The following RYR2 variants were observed in gnomAD, a reference collection of about 807,000 sequenced individuals.
RYR2 encodes cardiac muscle ryanodine receptor-calcium release channel.
RYR2 carries 227 observed loss-of-function variants against 601.1 expected under a neutral mutation model. That is an observed-to-expected ratio of 0.38 (90% CI 0.34 to 0.42). The LOEUF is 0.42. RYR2 is among the 10% of genes least tolerant of loss of function. The pLI is 1.00. For synonymous variants in RYR2, 2,223 were observed against 2,175.1 expected (o/e 1.02, Z -0.61); for missense variants, 4,646 against 6,156.5 (o/e 0.75, Z 8.21).
At chr1:237,803,392 C>A (rs912128663) in intron 98 of RYR2, among the ~76,000 whole-genome samples, 1 of 152,102 alleles carries the variant, frequency 6.6e-6, no homozygotes, top group Middle Eastern at 3.2e-3. Flanking sequence ...CAAGCTCCGC[C>A]TCCTGGGTTC....
At chr1:237,605,268 A>C (rs1676986301) in intron 35 of RYR2, among the ~76,000 whole-genome samples, 2 of 152,216 alleles carry the variant, frequency 1.3e-5, no homozygotes, top group Non-Finnish European at 2.9e-5. Flanking sequence ...CTGGTTCAAC[A>C]TACACAAATT....
chr1:237,219,735 A>G (rs1290492278), intron 1 of RYR2, among the ~76,000 whole-genome samples: 1 of 152,190 alleles, frequency 6.6e-6, no homozygotes, highest in East Asian at 1.9e-4. Context: ...TTCCTAACAT[A>G]GTTGTCTAAT....
At chr1:237,548,704 A>G (rs1470400258) in intron 26 of RYR2, 114 bp downstream of exon 26, 2 of 1,278,932 alleles carry the variant, frequency 1.6e-6, no homozygotes, top group African/African-American at 1.5e-5. Context: ...TAGATCACAT[A>G]TAGTGCACAT....
intron 1 of RYR2, among the ~76,000 whole-genome samples, chr1:237,093,383 C>G (rs1667179606): frequency 6.6e-6 from 1 of 152,256 alleles, no homozygotes; most frequent in South Asian, 2.1e-4. Flanking sequence ...AAATAGAGGG[C>G]AGATGATTTA....
At chr1:237,440,598 G>C (rs1335136666) in intron 12 of RYR2, among the ~76,000 whole-genome samples, 1 of 152,178 alleles carries the variant, frequency 6.6e-6, no homozygotes, top group East Asian at 1.9e-4. Flanking sequence ...TACTTCCTAG[G>C]AGAGGAAGCT....
At chr1:237,462,725 T>C (rs1418369117) in intron 16 of RYR2, among the ~76,000 whole-genome samples, 1 of 152,088 alleles carries the variant, frequency 6.6e-6, no homozygotes, top group Admixed American at 6.6e-5. Context: ...AGGAGGCAGA[T>C]CTCCCTAAAT....
intron 71 of RYR2, among the ~76,000 whole-genome samples, chr1:237,713,875 G>C (rs536192317): frequency 1.3e-5 from 2 of 151,456 alleles, no homozygotes; most frequent in South Asian, 4.2e-4. Context: ...ACAGGCCTTG[G>C]ACATTTAAAG....
At chr1:237,617,556 A>C (rs1678610855) in intron 38 of RYR2, 70 bp downstream of exon 38, 1 of 1,407,078 alleles carries the variant, frequency 7.1e-7, no homozygotes, top group South Asian at 1.3e-5. Flanking sequence ...CTGCCTTGCA[A>C]AATTATATAA....
In RYR2 at chr1:237,423,161, G is replaced by T; in HGVS notation, c.918G>T (p.Leu306Phe). ...RLRHVTTGKY[L>F]SLMEDKNLLL... ...GCCATGTCACAACAGGAAAATACTT[G>T]AGTCTCATGGAAGACAAAAACCTTC... The change falls in exon 12 of 105, where the codon TTG becomes TTT. Residue 306 changes from leucine to phenylalanine, a missense_variant. Transcript: ENST00000366574. The T allele has an allele frequency of 6.2e-7, 1 of 1,613,818 alleles. No individual in the cohort carries two copies. The highest frequency in any genetic ancestry group is 2.2e-5 in the East Asian group (1 of 44,866).
intron 1 of RYR2, among the ~76,000 whole-genome samples, chr1:237,267,381 A>G (rs7551532): frequency 0.66 from 100,024 of 151,968 alleles, 33,316 homozygotes; most frequent in Non-Finnish European, 0.71. Context: ...TGAGCAGGGC[A>G]TGGTAGCGCT....
At chr1:237,142,293 T>G (rs1673476555) in intron 1 of RYR2, among the ~76,000 whole-genome samples, 1 of 152,226 alleles carries the variant, frequency 6.6e-6, no homozygotes, top group Non-Finnish European at 1.5e-5. Flanking sequence ...GAAACTGAAG[T>G]GCTAGAGTCT....
intron 4 of RYR2, among the ~76,000 whole-genome samples, chr1:237,360,750 C>T (rs184083106): frequency 1.8e-4 from 28 of 152,258 alleles, no homozygotes; most frequent in African/African-American, 6.3e-4. Context: ...TGTATAATTG[C>T]TCATTCATGG....
At chr1:237,753,841 A>G (rs1015371213) in intron 80 of RYR2, among the ~76,000 whole-genome samples, 1 of 152,160 alleles carries the variant, frequency 6.6e-6, no homozygotes, top group African/African-American at 2.4e-5. Context: ...ATTTGTTTAG[A>G]AAAGCTAATC....
chr1:237,490,082 A>T (rs1359041438), intron 17 of RYR2, among the ~76,000 whole-genome samples: 1 of 152,252 alleles, frequency 6.6e-6, no homozygotes, highest in Non-Finnish European at 1.5e-5. Flanking sequence ...ATGCAGGAAC[A>T]GAAAACCACA....
At chr1:237,127,534 C>T (rs1257103392) in intron 1 of RYR2, among the ~76,000 whole-genome samples, 2 of 151,268 alleles carry the variant, frequency 1.3e-5, no homozygotes, top group Admixed American at 6.6e-5. Flanking sequence ...ACCTCCCTCC[C>T]GGACGGGGCG....
At chr1:237,686,911 A>G (rs1686440785) in intron 62 of RYR2, among the ~76,000 whole-genome samples, 1 of 152,164 alleles carries the variant, frequency 6.6e-6, no homozygotes, top group African/African-American at 2.4e-5. Flanking sequence ...AATTCACTGG[A>G]TGCTTACGTT....
At chr1:237,431,388 A>G (rs1706792232) in intron 12 of RYR2, among the ~76,000 whole-genome samples, 1 of 152,186 alleles carries the variant, frequency 6.6e-6, no homozygotes, top group South Asian at 2.1e-4. Flanking sequence ...CATCACTCAG[A>G]AACAACCTCT....
At chr1:237,571,111 G>T (rs1321457248) in intron 29 of RYR2, among the ~76,000 whole-genome samples, 2 of 152,102 alleles carry the variant, frequency 1.3e-5, no homozygotes, top group African/African-American at 4.8e-5. Flanking sequence ...CTGGGTGACA[G>T]AGTGAGACCT....
At chr1:237,182,103 GTTTAT>G (rs1678828453) in intron 1 of RYR2, among the ~76,000 whole-genome samples, 1 of 148,548 alleles carries the variant, frequency 6.7e-6, no homozygotes, top group African/African-American at 2.5e-5. Context: ...ACTCCCTGGG[GTTTAT>G]TTATTTATTT....
Sources: allele counts gnomAD v4.1 joint callset (sites outside exome capture counted in the v4.1 genomes callset), GRCh38; gene constraint gnomAD v4.1.1; transcripts MANE v1.5; gene names NCBI Gene and HGNC (gene_info 2026-07-23, HGNC 2026-07-21).